The following VAMP7 variants were observed in gnomAD, a reference collection of about 807,000 sequenced individuals.
VAMP7 encodes vesicle associated membrane protein 7.
In VAMP7, 14 loss-of-function variants were observed where a neutral mutation model predicts 29.6. The ratio of observed to expected loss-of-function variants is 0.47; its 90% confidence interval spans 0.31 to 0.74. The LOEUF (loss-of-function observed/expected upper bound fraction) is 0.74, where lower values mean the gene tolerates loss of function less well. Ranked by LOEUF, VAMP7 falls within the 30% of genes least tolerant of loss-of-function variation. The probability of loss-of-function intolerance (pLI) is 0.05; values close to 1 mark genes in which losing one functional copy is unlikely to be tolerated. For synonymous variants in VAMP7, 95 were observed against 88.1 expected (o/e 1.08, Z -0.44); for missense variants, 223 against 262.4 (o/e 0.85, Z 1.04).
chrX:155,885,036 T>G (rs902467827), intron 1 of VAMP7, among the ~76,000 whole-genome samples: 1 of 152,232 alleles, frequency 6.6e-6, no homozygotes, highest in African/African-American at 2.4e-5. Context: ...TACACTGTTA[T>G]GCCAACCAGT....
chrX:155,899,324 G>C (rs2066028457), intron 4 of VAMP7, among the ~76,000 whole-genome samples: 1 of 151,808 alleles, frequency 6.6e-6, no homozygotes, highest in Admixed American at 6.6e-5. Context: ...CATTCCAGTT[G>C]ATGTGTAATG....
At chrX:155,938,883 G>T (rs2066701619) in intron 6 of VAMP7, among the ~76,000 whole-genome samples, 1 of 152,154 alleles carries the variant, frequency 6.6e-6, no homozygotes, top group African/African-American at 2.4e-5. Flanking sequence ...AATGATGTTT[G>T]TGAGATTCAT....
At chrX:155,914,548 T>C (rs1488922777) in intron 5 of VAMP7, among the ~76,000 whole-genome samples, 1 of 152,168 alleles carries the variant, frequency 6.6e-6, no homozygotes, top group South Asian at 2.1e-4. Flanking sequence ...CAATACCTAG[T>C]TTATTGAGAG....
chrX:155,931,482 T>C (rs2066554013), intron 6 of VAMP7, among the ~76,000 whole-genome samples: 1 of 152,222 alleles, frequency 6.6e-6, no homozygotes, highest in African/African-American at 2.4e-5. Flanking sequence ...CATTTTTTCA[T>C]GTGTCTGTTG....
intron 2 of VAMP7, among the ~76,000 whole-genome samples, chrX:155,894,005 G>T (rs4893102): frequency 0.59 from 90,100 of 151,986 alleles, 26,736 homozygotes; most frequent in East Asian, 0.65. Flanking sequence ...CTGAGTTCCT[G>T]TATCTCCTTG....
intron 6 of VAMP7, among the ~76,000 whole-genome samples, chrX:155,936,467 T>C (rs1180661982): frequency 2.6e-5 from 4 of 152,260 alleles, no homozygotes; most frequent in East Asian, 1.9e-4. Context: ...TAGCAATGAG[T>C]GAGGCTCCGT....
At chrX:155,889,298 C>T in intron 1 of VAMP7, among the ~76,000 whole-genome samples, 160 bp from the exon 2 acceptor site, 1 of 152,166 alleles carries the variant, frequency 6.6e-6, no homozygotes, top group East Asian at 1.9e-4. Context: ...AAACTTTGAC[C>T]TTCTTTTTAA....
chrX:155,930,689 ATT>A lies in VAMP7; in HGVS notation c.502-9007_502-9006del, dbSNP rs1373135535. Among the ~76,000 whole-genome samples the A allele has an allele frequency of 2.9e-3, 435 of 149,144 alleles. 3 individuals are homozygous for A. The highest frequency in any genetic ancestry group is 1.0e-2 in the African/African-American group (406 of 40,752). On this transcript the variant is annotated intron_variant, in intron 6 of 7. Transcript: ENST00000286448. ...ATTTTTTTTCTTTTAATTCTTTTTT[ATT>A]TTTTATTTTTTTTATAAATATATAT...
At chrX:155,921,265 G>A (rs1235023228) in intron 6 of VAMP7, among the ~76,000 whole-genome samples, 1 of 151,906 alleles carries the variant, frequency 6.6e-6, no homozygotes, top group Non-Finnish European at 1.5e-5. Context: ...CATACGTGCA[G>A]CAAATTGTAT....
intron 7 of VAMP7, among the ~76,000 whole-genome samples, chrX:155,941,229 A>T (rs139385723): frequency 0.022 from 3,361 of 152,204 alleles, 238 homozygotes; most frequent in East Asian, 0.024. Flanking sequence ...TTGTGATATA[A>T]TAATGTGAAC....
intron 6 of VAMP7, among the ~76,000 whole-genome samples, chrX:155,932,533 G>T (rs1413589287): frequency 6.6e-6 from 1 of 152,126 alleles, no homozygotes; most frequent in African/African-American, 2.4e-5. Flanking sequence ...GTATAAGAAT[G>T]CTTGTGATTT....
rs1291043172 is a variant in VAMP7 at position 155,903,047 on chromosome X, G to T, written c.433+2460G>T. 2.3e-4 allele frequency among the ~76,000 whole-genome samples: 35 copies of T among 151,702 alleles called. 1 individual carries two copies. The highest frequency in any genetic ancestry group is 9.2e-4 in the Admixed American group (14 of 15,216). Reference sequence around the variant, plus strand: ...TATTGATTATTGCCACAATTTCAGAGCCTGTTATTGGTCTATTCAGAGATT... The same window carrying T: ...TATTGATTATTGCCACAATTTCAGATCCTGTTATTGGTCTATTCAGAGATT... On this transcript the variant is annotated intron_variant, in intron 5 of 7. Transcript: ENST00000286448.
intron 5 of VAMP7, among the ~76,000 whole-genome samples, chrX:155,913,610 C>T (rs189418990): frequency 2.6e-3 from 397 of 152,260 alleles, no homozygotes; most frequent in African/African-American, 9.1e-3. Context: ...GTTTTCCCAA[C>T]ACCATTTATT....
At chrX:155,936,523 G>A (rs748568576) in intron 6 of VAMP7, among the ~76,000 whole-genome samples, 1 of 152,312 alleles carries the variant, frequency 6.6e-6, no homozygotes, top group Non-Finnish European at 1.5e-5. Flanking sequence ...ATCTCCTGGT[G>A]TGCTGTTTGC....
At chrX:155,898,048 C>T in intron 3 of VAMP7, 64 bp from the exon 4 acceptor site, 1 of 1,567,544 alleles carries the variant, frequency 6.4e-7, no homozygotes. Context: ...TATTGTTGTT[C>T]TTAATCACTC....
At chrX:155,890,412 G>A (rs139432821) in intron 2 of VAMP7, among the ~76,000 whole-genome samples, 5,286 of 152,134 alleles carry the variant, frequency 0.035, 364 homozygotes, top group East Asian at 0.13. Flanking sequence ...CCAGGCTGGA[G>A]TGCAGTGGTG....
intron 6 of VAMP7, among the ~76,000 whole-genome samples, chrX:155,925,861 G>T (rs1437395274): frequency 9.9e-5 from 15 of 152,072 alleles, no homozygotes; most frequent in Non-Finnish European, 8.8e-5. Context: ...TGATTTGGAG[G>T]CCCCAAGATT....
intron 5 of VAMP7, among the ~76,000 whole-genome samples, chrX:155,911,844 C>A (rs2066242034): frequency 6.6e-6 from 1 of 152,052 alleles, no homozygotes; most frequent in Non-Finnish European, 1.5e-5. Flanking sequence ...TTTATCAGAT[C>A]TAGGAGTTTT....
rs1157163203 is a variant in VAMP7 at position 155,942,220 on chromosome X, CTATT to C, written c.*272_*275del. ...TCTTTGGTTTGTTAACTAGTGTCAT[CTATT>C]TAGAGAAACATTTTTGTTTTTAATT... On this transcript the variant is annotated 3_prime_UTR_variant, in exon 8 of 8. Coordinates refer to ENST00000286448, the MANE Select transcript of VAMP7 (RefSeq NM_005638.6). 2.0e-6 allele frequency: 3 copies of C among 1,485,558 alleles called. No homozygotes were observed. In the Admixed American group the frequency reaches 7.4e-5, roughly 37 times the overall value. 92.0% of individuals were successfully genotyped at this position (1,485,558 alleles called of 1,614,324 possible).
Sources: gnomAD v4.1 joint callset for allele counts (sites outside exome capture counted in the v4.1 genomes callset) on GRCh38, gnomAD v4.1.1 for gene constraint, MANE v1.5 for transcripts, NCBI Gene and HGNC (gene_info 2026-07-23, HGNC 2026-07-21) for gene names.